Variants in BABAM2 observed in about 807,000 individuals in gnomAD.
The protein encoded by BABAM2 is BRISC and BRCA1 A complex member 2.
Under a neutral mutation model 54.7 loss-of-function variants are expected in BABAM2, and 31 were observed. The ratio of observed to expected loss-of-function variants is 0.57; its 90% CI spans 0.43 to 0.77. The LOEUF (loss-of-function observed/expected upper bound fraction) is 0.77. Among genes scored for constraint, BABAM2 ranks in the 30% least tolerant of loss-of-function variants. The pLI, the probability that BABAM2 is intolerant of heterozygous loss-of-function variation, is 0.00. For missense variants in BABAM2, 364 were observed against 455.8 expected, an observed-to-expected ratio of 0.80 and a Z score of 1.83; for synonymous variants, 167 against 162.9, an observed-to-expected ratio of 1.03 and a Z score of -0.19.
intron 10 of BABAM2, among the ~76,000 whole-genome samples, chr2:28,271,966 G>T (rs975295908): frequency 6.6e-6 from 1 of 152,190 alleles, no homozygotes; most frequent in African/African-American, 2.4e-5. Context: ...TTAACTTTCA[G>T]TTGGCATGTG....
At chr2:27,890,074 T>G, upstream of BABAM2, 2 of 582,262 alleles carry the variant, frequency 3.4e-6, no homozygotes, top group Non-Finnish European at 6.1e-6. This position sits in a 1 kb window ranked among gnomAD's most constrained non-coding sequence, Gnocchi z 4.8. Context: ...AGATTTACCT[T>G]TATATACTCA....
chr2:27,959,716 G>T (rs1406957163), intron 3 of BABAM2, among the ~76,000 whole-genome samples: 2 of 151,996 alleles, frequency 1.3e-5, no homozygotes, highest in African/African-American at 4.8e-5. Context: ...AATTTTCCTG[G>T]CAGAGGCACA....
intron 7 of BABAM2, among the ~76,000 whole-genome samples, chr2:28,236,939 A>G (rs1286238833): frequency 1.3e-5 from 2 of 152,236 alleles, no homozygotes; most frequent in African/African-American, 4.8e-5. Flanking sequence ...TAATGTTGGT[A>G]AGACATTTAC....
At chr2:28,105,682 C>G (rs1667462168) in intron 6 of BABAM2, among the ~76,000 whole-genome samples, 1 of 152,114 alleles carries the variant, frequency 6.6e-6, no homozygotes, top group African/African-American at 2.4e-5. Flanking sequence ...CAGAAATAAG[C>G]CTTATTAAGC....
intron 7 of BABAM2, among the ~76,000 whole-genome samples, chr2:28,219,057 A>G (rs1301295470): frequency 1.3e-5 from 2 of 152,212 alleles, no homozygotes; most frequent in African/African-American, 4.8e-5. Flanking sequence ...GCTTAAACCC[A>G]TGCCAATTGA....
intron 3 of BABAM2, among the ~76,000 whole-genome samples, chr2:27,958,894 C>T (rs1670277162): frequency 6.6e-6 from 1 of 152,078 alleles, no homozygotes; most frequent in African/African-American, 2.4e-5. Flanking sequence ...GCCTTGGGCT[C>T]AATGTGGCTC....
At chr2:28,183,739 T>TCACACACACACACA (rs1286120518) in intron 7 of BABAM2, among the ~76,000 whole-genome samples, 8,412 of 132,996 alleles carry the variant, frequency 0.063, 314 homozygotes, top group East Asian at 0.11. Flanking sequence ...TGGATGAAGA[T>TCACACACACACACA]CACACACACA....
In BABAM2 at chr2:28,277,231, G is replaced by A. The variant is rs561943971; in HGVS notation, c.935-21107G>A. Among the ~76,000 whole-genome samples the A allele has an allele frequency of 1.8e-4, 28 of 152,102 alleles. No individual in the cohort carries two copies. In the East Asian group the frequency reaches 4.5e-3, roughly 24 times the overall value. On this transcript the variant is annotated intron_variant, in intron 10 of 11. Coordinates refer to ENST00000379624, the MANE Select transcript of BABAM2 (RefSeq NM_199191.3). ...AGCGATTCTCCTGCCTCAGCTTCCC[G>A]AGTAGCTGGGACTACAGGTGCCCGC...
At chr2:28,309,920 C>T (rs556398602) in intron 11 of BABAM2, 129 of 666,722 alleles carry the variant, frequency 1.9e-4, no homozygotes, top group Admixed American at 1.1e-3. Context: ...CCTTCCATTC[C>T]GCACGAGCAA....
chr2:28,111,394 G>T (rs1243113415), intron 6 of BABAM2, among the ~76,000 whole-genome samples: 2 of 151,938 alleles, frequency 1.3e-5, no homozygotes, highest in African/African-American at 4.8e-5. Context: ...GTATATTCTG[G>T]ATATTAATCC....
chr2:28,203,922 G>A (rs9808495), intron 7 of BABAM2, among the ~76,000 whole-genome samples: 108,659 of 152,096 alleles, frequency 0.71, 41,170 homozygotes, highest in East Asian at 0.99. Context: ...CCCACCAGCA[G>A]CACTTGCCAA....
chr2:28,327,217 C>T, intron 11 of BABAM2: 1 of 1,543,464 alleles, frequency 6.5e-7, no homozygotes, highest in Non-Finnish European at 8.8e-7. Flanking sequence ...CCTGTCCCTC[C>T]CTCCATTTAG....
chr2:28,047,870 A>G (rs1192898864), intron 6 of BABAM2, among the ~76,000 whole-genome samples: 6 of 152,238 alleles, frequency 3.9e-5, no homozygotes, highest in Admixed American at 3.9e-4. Flanking sequence ...AAACAGAAAC[A>G]GAAACCTACC....
At chr2:28,275,030 C>G (rs986263588) in intron 10 of BABAM2, among the ~76,000 whole-genome samples, 2 of 152,158 alleles carry the variant, frequency 1.3e-5, no homozygotes, top group Non-Finnish European at 2.9e-5. Flanking sequence ...TGGTGCAAGT[C>G]AAGTGAATAC....
intron 10 of BABAM2, among the ~76,000 whole-genome samples, chr2:28,271,759 C>T (rs2148164313): frequency 6.6e-6 from 1 of 152,326 alleles, no homozygotes; most frequent in East Asian, 1.9e-4. Context: ...CTCTGCTTAT[C>T]AGTTTCAAAA....
chr2:28,180,833 C>G (rs1195625762), intron 7 of BABAM2, among the ~76,000 whole-genome samples: 2 of 152,044 alleles, frequency 1.3e-5, no homozygotes, highest in African/African-American at 2.4e-5. Context: ...AGAAGATACG[C>G]AAATTGTCAA....
chr2:28,183,776 T>TACACACACACACACACACAC (rs1675927503), intron 7 of BABAM2, among the ~76,000 whole-genome samples: 1 of 46,466 alleles, frequency 2.2e-5, no homozygotes, highest in African/African-American at 7.5e-5. Context: ...CACACACACG[T>TACACACACACACACACACAC]ACATTGACTC....
chr2:28,030,655 G>T (rs922037543), intron 5 of BABAM2, among the ~76,000 whole-genome samples: 1 of 152,164 alleles, frequency 6.6e-6, no homozygotes, highest in African/African-American at 2.4e-5. Context: ...ATAAACACTG[G>T]ACCCTGGCAG....
At chr2:28,070,937 T>C (rs1222203141) in intron 6 of BABAM2, among the ~76,000 whole-genome samples, 1 of 152,220 alleles carries the variant, frequency 6.6e-6, no homozygotes, top group Non-Finnish European at 1.5e-5. Context: ...GCTCAAGCTC[T>C]TAGTGAGATC....
Sources: allele counts gnomAD v4.1 joint callset (sites outside exome capture counted in the v4.1 genomes callset), GRCh38; gene constraint gnomAD v4.1.1; non-coding constraint Gnocchi (gnomAD v3.1); transcripts MANE v1.5; gene names NCBI Gene and HGNC (gene_info 2026-07-23, HGNC 2026-07-21).